STC2: variants seen among roughly 807,000 people sequenced by gnomAD.
The protein encoded by STC2 is stanniocalcin 2.
A neutral mutation model predicts 22.7 loss-of-function variants in STC2; 7 were observed. The ratio of observed to expected loss-of-function variants is 0.31; its 90% CI spans 0.18 to 0.58. The LOEUF (loss-of-function observed/expected upper bound fraction) is 0.58, where lower values mean the gene tolerates loss of function less well. Ranked by LOEUF, STC2 falls within the 20% of genes least tolerant of loss-of-function variation. The probability of loss-of-function intolerance (pLI) is 0.89; values close to 1 mark genes in which losing one functional copy is unlikely to be tolerated. For missense variants in STC2, 336 were observed against 406.2 expected (o/e 0.83, Z 1.48); for synonymous variants, 158 against 163.4 (o/e 0.97, Z 0.25).
At chr5:173,327,352 C>G (rs1762561237) in intron 1 of STC2, among the ~76,000 whole-genome samples, 1 of 152,270 alleles carries the variant, frequency 6.6e-6, no homozygotes, top group South Asian at 2.1e-4. Flanking sequence ...ACGCCTGGCT[C>G]TGCTTTGCAG....
chr5:173,324,543 C>T (rs886214342), intron 2 of STC2, among the ~76,000 whole-genome samples: 4 of 152,214 alleles, frequency 2.6e-5, no homozygotes, highest in Non-Finnish European at 2.9e-5. Flanking sequence ...CCATGTGGCC[C>T]GCATGGCCTC....
chr5:173,315,245 T>TTAGA lies in STC2; in HGVS notation c.*2598_*2601dup, dbSNP rs1762406329. On this transcript the variant is annotated 3_prime_UTR_variant, in exon 4 of 4. Coordinates refer to ENST00000265087, the MANE Select transcript of STC2 (RefSeq NM_003714.3). ...TTTTAATGACTACTTTGCTTACATT[T>TTAGA]TAGATTGTGCAAATGTCTCAATCAA... 6.6e-6 allele frequency: 1 copy of TTAGA among 152,214 alleles called. No homozygotes were observed. The highest frequency in any genetic ancestry group is 2.4e-5 in the African/African-American group (1 of 41,452). The allele number at this position is 152,214 out of a possible 1,614,324, so 9.4% of individuals were successfully genotyped here.
intron 1 of STC2, 27 bp downstream of exon 1, chr5:173,328,016 C>T: frequency 6.9e-7 from 1 of 1,443,188 alleles, no homozygotes. Context: ...CCCAGTAGCT[C>T]CCGGCTGCGG....
chr5:173,327,405 G>A (rs1762562003), intron 1 of STC2, among the ~76,000 whole-genome samples: 1 of 152,248 alleles, frequency 6.6e-6, no homozygotes, highest in South Asian at 2.1e-4. Flanking sequence ...GGAGGCGCAC[G>A]GTTCGGGTCG....
chr5:173,326,057 C>T (rs755589523), intron 1 of STC2, 47 bp from the exon 2 acceptor site: 2 of 1,600,440 alleles, frequency 1.2e-6, no homozygotes, highest in South Asian at 1.1e-5. Flanking sequence ...CTAACCCATG[C>T]TGGGCAATGC....
At position 173,323,382 on chromosome 5, in the gene STC2, G is replaced by T. The variant is rs771722188; in HGVS notation, c.343C>A (p.Arg115=). The part of the protein sequence containing the change: ...DALKCKAHAL[R]HRFGCISRKC... ...CGGCTTATGCAGCCGAACCTGTGCCGCAGAGCGTGGGCCTTACATTTCAAG... is the reference window on the plus strand; with the variant it reads ...CGGCTTATGCAGCCGAACCTGTGCCTCAGAGCGTGGGCCTTACATTTCAAG... Residue 115 remains arginine, a synonymous_variant, in exon 3 of 4, where the codon CGG becomes AGG. Coordinates refer to ENST00000265087, the MANE Select transcript of STC2 (RefSeq NM_003714.3). The surrounding 1 kb of genome is among the most constrained non-coding windows in gnomAD (Gnocchi z 5.4). The T allele has an allele frequency of 1.1e-5, 17 of 1,613,762 alleles. No individual in the cohort carries two copies. The highest frequency in any genetic ancestry group is 1.6e-4 in the Middle Eastern group (1 of 6,084).
At chr5:173,318,320 C>T in intron 3 of STC2, 71 bp from the exon 4 acceptor site, 2 of 1,328,110 alleles carry the variant, frequency 1.5e-6, no homozygotes, top group South Asian at 4.7e-5. Context: ...GGAGCAAGTC[C>T]CGAATGGACC....
rs894452970 is a variant in STC2, at chr5:173,325,619, G to A, written c.294+249C>T. 2.0e-5 allele frequency among the ~76,000 whole-genome samples: 3 copies of A among 152,172 alleles called. No homozygotes were observed. The highest frequency in any genetic ancestry group is 4.8e-5 in the African/African-American group (2 of 41,440). On this transcript the variant is annotated intron_variant, in intron 2 of 3. Transcript: ENST00000265087. This position sits in a 1 kb window ranked among gnomAD's most constrained non-coding sequence, Gnocchi z 4.7. ...TGAGTTCTGGGTGGCCAGACACAGC[G>A]TGTCCCCTTACAAGGTGTTTATCGT...
rs1370809578 is a variant in STC2 at position 173,315,271 on chromosome 5, T to C, written c.*2576A>G. The C allele has an allele frequency of 6.6e-6, 1 of 152,204 alleles. No homozygotes were observed. The highest frequency in any genetic ancestry group is 1.5e-5 in the Non-Finnish European group (1 of 68,042). The allele number at this position is 152,204 out of a possible 1,614,324, so 9.4% of individuals were successfully genotyped here. The stretch of plus-strand genomic sequence containing the variant: ...TAGATTGTGCAAATGTCTCAATCAA[T>C]GCTTGCAGGAATGTGGACCTTCCTC... On this transcript the variant is annotated 3_prime_UTR_variant, in exon 4 of 4. Transcript: ENST00000265087.
Position 173,328,024 on chromosome 5 carries a change from C to T in STC2, c.151+19G>A. 2 of 1,465,148 alleles carry T rather than the reference C, an allele frequency of 1.4e-6. No homozygotes were observed. The highest frequency in any genetic ancestry group is 1.8e-6 in the Non-Finnish European group (2 of 1,102,460). 90.8% of individuals were successfully genotyped at this position (1,465,148 alleles called of 1,614,324 possible). A position where few individuals can be genotyped will look rare whatever the true frequency, so the allele number is the denominator to read the frequency against. On this transcript the variant is annotated intron_variant, in intron 1 of 3. Coordinates refer to ENST00000265087, the MANE Select transcript of STC2 (RefSeq NM_003714.3). ...GTCCTCTCCCAGTAGCTCCCGGCTG[C>T]GGGGGCACATGCACTTACCTGTATT...
rs1762504743 is a variant in STC2, at chr5:173,323,080, T to G, written c.506+139A>C. 1.3e-6 allele frequency: 1 copy of G among 779,798 alleles called. No individual in the cohort carries two copies. Among genetic ancestry groups the G allele is most frequent in the Non-Finnish European group, 2.1e-6 (1 of 465,734 alleles). 48.3% of individuals were successfully genotyped at this position (779,798 alleles called of 1,614,324 possible). A position where few individuals can be genotyped will look rare whatever the true frequency, so the allele number is the denominator to read the frequency against. Reference sequence around the variant, plus strand: ...AAGGGGCCTTTTAGTAGAGTCAGTGTAGCTTTCTGAAGTAAATGGAAGCCT... The same window carrying G: ...AAGGGGCCTTTTAGTAGAGTCAGTGGAGCTTTCTGAAGTAAATGGAAGCCT... On this transcript the variant is annotated intron_variant, in intron 3 of 3. Transcript: ENST00000265087. The surrounding 1 kb of genome is among the most constrained non-coding windows in gnomAD (Gnocchi z 5.4).
In STC2 at chr5:173,317,782, T is replaced by C; in HGVS notation, c.*65A>G. 4 of 1,495,512 alleles carry C rather than the reference T, an allele frequency of 2.7e-6. No individual in the cohort carries two copies. The highest frequency in any genetic ancestry group is 3.6e-6 in the Non-Finnish European group (4 of 1,119,912). 92.6% of individuals were successfully genotyped at this position (1,495,512 alleles called of 1,614,324 possible). On this transcript the variant is annotated 3_prime_UTR_variant, in exon 4 of 4. Transcript: ENST00000265087. Reference sequence around the variant, plus strand: ...CCCCCCTCTCTAATGGTAAATGTTTTGGAATGTCCATAGATAAGAAAATGG... The same window carrying C: ...CCCCCCTCTCTAATGGTAAATGTTTCGGAATGTCCATAGATAAGAAAATGG...
Position 173,323,119 on chromosome 5 carries a change from G to T in STC2, c.506+100C>A. The T allele has an allele frequency of 9.0e-7, 1 of 1,117,154 alleles. No individual in the cohort carries two copies. The highest frequency in any genetic ancestry group is 1.4e-5 in the South Asian group (1 of 73,630). 69.2% of individuals were successfully genotyped at this position (1,117,154 alleles called of 1,614,324 possible). A position where few individuals can be genotyped will look rare whatever the true frequency, so the allele number is the denominator to read the frequency against. ...AAATGGAAGCCTTCTCCATTTGACAGGCATTCAGCCTCTAGAAGCAACGCG... is the reference window on the plus strand; with the variant it reads ...AAATGGAAGCCTTCTCCATTTGACATGCATTCAGCCTCTAGAAGCAACGCG... On this transcript the variant is annotated intron_variant, in intron 3 of 3. Transcript: ENST00000265087. The surrounding 1 kb of genome is among the most constrained non-coding windows in gnomAD (Gnocchi z 5.4).
chr5:173,328,176 C>T lies in STC2; in HGVS notation c.18G>A (p.Leu6=). The change falls in exon 1 of 4, where the codon CTG becomes CTA. Residue 6 remains leucine (L), a synonymous_variant. Coordinates refer to ENST00000265087, the MANE Select transcript of STC2 (RefSeq NM_003714.3). MCAER[L]GQFMTLALVL... is the part of the protein sequence containing the mutation. The stretch of plus-strand genomic sequence containing the variant: ...CCAAAGCCAGGGTCATGAACTGGCC[C>T]AGCCGCTCGGCACACATGGTTCTTG... 6.4e-7 allele frequency: 1 copy of T among 1,567,734 alleles called. No individual in the cohort carries two copies. The highest frequency in any genetic ancestry group is 8.6e-7 in the Non-Finnish European group (1 of 1,156,946).
chr5:173,322,056 G>A (rs1322310780), intron 3 of STC2, among the ~76,000 whole-genome samples: 1 of 152,226 alleles, frequency 6.6e-6, no homozygotes, highest in Non-Finnish European at 1.5e-5. Flanking sequence ...AGTGGAAAGA[G>A]ACAGGAGGTG....
In STC2 at chr5:173,317,928, G is replaced by A. The variant is rs745498290; in HGVS notation, c.828C>T (p.Val276=). ...AAGGTCCCTGAGCCCCAAGGCCCCC[G>A]ACTCTGCCTCGGGCATGGGCGTTTG... ...SHPNAHARGR[V]GGLGAQGPSG... Residue 276 remains valine, a synonymous_variant, in exon 4 of 4, where the codon GTC becomes GTT. Transcript: ENST00000265087. The A allele has an allele frequency of 3.1e-6, 5 of 1,613,212 alleles. No individual in the cohort carries two copies. The East Asian group carries it at 8.9e-5, about 29-fold the overall frequency.
Position 173,315,578 on chromosome 5 carries a change from A to T in STC2, c.*2269T>A, listed in dbSNP as rs575934688. 2.0e-5 allele frequency: 3 copies of T among 152,368 alleles called. No homozygotes were observed. The highest frequency in any genetic ancestry group is 3.9e-4 in the East Asian group (2 of 5,192). The allele number at this position is 152,368 out of a possible 1,614,324, so 9.4% of individuals were successfully genotyped here. Reference sequence around the variant, plus strand: ...CACATAAAACATTTACACGGAGGAAAATGGAAATGTGATGCCTTTCACACA... The same window carrying T: ...CACATAAAACATTTACACGGAGGAATATGGAAATGTGATGCCTTTCACACA... On this transcript the variant is annotated 3_prime_UTR_variant, in exon 4 of 4. Transcript: ENST00000265087.
chr5:173,321,578 A>C (rs1013270898), intron 3 of STC2, among the ~76,000 whole-genome samples: 1 of 152,240 alleles, frequency 6.6e-6, no homozygotes, highest in Non-Finnish European at 1.5e-5. Flanking sequence ...GAGGGAGATA[A>C]TAGGCTGGGA....
At chr5:173,322,295 A>AT (rs1450675731) in intron 3 of STC2, among the ~76,000 whole-genome samples, 6 of 117,586 alleles carry the variant, frequency 5.1e-5, no homozygotes, top group Admixed American at 2.1e-4. Context: ...CATTGTCAAT[A>AT]TTTAAAAAAA....
Sources: allele counts gnomAD v4.1 joint callset (sites outside exome capture counted in the v4.1 genomes callset), GRCh38; gene constraint gnomAD v4.1.1; non-coding constraint Gnocchi (gnomAD v3.1); transcripts MANE v1.5; gene names NCBI Gene and HGNC (gene_info 2026-07-23, HGNC 2026-07-21).